The following ADAM18 variants were observed in gnomAD, a reference collection of about 807,000 sequenced individuals.
ADAM18 encodes the protein ADAM metallopeptidase domain 18.
A neutral mutation model predicts 94.4 loss-of-function variants in ADAM18; 117 were observed. That is an observed-to-expected ratio of 1.24 (90% CI 1.07 to 1.45). The LOEUF is 1.45. ADAM18 is among the 40% of genes most tolerant of loss of function. The probability of loss-of-function intolerance (pLI) is 0.00; values close to 1 mark genes in which losing one functional copy is unlikely to be tolerated. For synonymous variants in ADAM18, 327 were observed against 291.6 expected, an observed-to-expected ratio of 1.12 and a Z score of -1.24; for missense variants, 936 against 880.0, an observed-to-expected ratio of 1.06 and a Z score of -0.81.
At chr8:39,667,733 C>T (rs1821030285) in intron 13 of ADAM18, among the ~76,000 whole-genome samples, 1 of 152,138 alleles carries the variant, frequency 6.6e-6, no homozygotes, top group South Asian at 2.1e-4. Context: ...TTTGAGTCAG[C>T]TTATTTCAAA....
intron 16 of ADAM18, among the ~76,000 whole-genome samples, chr8:39,689,855 T>C (rs947574232): frequency 5.9e-5 from 9 of 152,224 alleles, no homozygotes; most frequent in African/African-American, 2.2e-4. Context: ...TATTTGTTTA[T>C]GTCATCTGTG....
Position 39,597,208 on chromosome 8 carries a change from T to C in ADAM18, c.133-9099T>C, listed in dbSNP as rs543170097. On this transcript the variant is annotated intron_variant, in intron 2 of 19. Transcript: ENST00000265707. ...TCATATAGGCCTTTTGCAAATATTT[T>C]CTTTTAATCTGTGGTTTATCTCTTC... 5.1e-4 allele frequency among the ~76,000 whole-genome samples: 77 copies of C among 152,270 alleles called. 1 individual carries two copies. Among genetic ancestry groups the C allele is most frequent in the African/African-American group, 1.8e-3 (73 of 41,578 alleles).
intron 16 of ADAM18, among the ~76,000 whole-genome samples, chr8:39,680,690 G>A (rs1015463992): frequency 6.6e-6 from 1 of 152,134 alleles, no homozygotes; most frequent in Admixed American, 6.6e-5. Flanking sequence ...GTATATACAT[G>A]CATGAATATA....
chr8:39,637,167 C>T, intron 7 of ADAM18, 97 bp from the exon 8 acceptor site: 2 of 923,994 alleles, frequency 2.2e-6, no homozygotes, highest in African/African-American at 1.7e-5. Context: ...TAAAACAGCT[C>T]TAGATTACTT....
rs187296127 is a variant in ADAM18 at position 39,601,927 on chromosome 8, T to G, written c.133-4380T>G. Among the ~76,000 whole-genome samples the G allele has an allele frequency of 2.5e-3, 381 of 152,342 alleles. 1 individual carries two copies. Among genetic ancestry groups the G allele is most frequent in the Non-Finnish European group, 4.9e-3 (331 of 68,032 alleles). ...TATATTAGTGCAAACATAAATGATG[T>G]ATTTCATGTCTGGCTTATTTCAGTT... On this transcript the variant is annotated intron_variant, in intron 2 of 19. Transcript: ENST00000265707.
At position 39,640,394 on chromosome 8, in the gene ADAM18, G is replaced by A. The variant is rs182884844; in HGVS notation, c.909+1848G>A. 6.6e-5 allele frequency among the ~76,000 whole-genome samples: 10 copies of A among 152,214 alleles called. No homozygotes were observed. The East Asian group carries it at 1.9e-3, about 29-fold the overall frequency. ...TTATGGCTGCATAGTATTGCATGAT[G>A]TATATGTACCACATTTTCTTTATCC... On this transcript the variant is annotated intron_variant, in intron 10 of 19. Transcript: ENST00000265707.
intron 11 of ADAM18, among the ~76,000 whole-genome samples, chr8:39,647,822 A>G (rs1455090115): frequency 6.6e-6 from 1 of 152,226 alleles, no homozygotes; most frequent in Non-Finnish European, 1.5e-5. Context: ...GATTCCATAC[A>G]GCACATGTTT....
chr8:39,696,526 T>C (rs1821933108), intron 17 of ADAM18, among the ~76,000 whole-genome samples: 1 of 151,622 alleles, frequency 6.6e-6, no homozygotes, highest in Admixed American at 6.6e-5. Context: ...TTAGATCTTT[T>C]ATCCATTTTG....
At chr8:39,717,232 C>T (rs1372797787) in intron 18 of ADAM18, among the ~76,000 whole-genome samples, 1 of 151,726 alleles carries the variant, frequency 6.6e-6, no homozygotes, top group Non-Finnish European at 1.5e-5. Flanking sequence ...CATTTACACC[C>T]TCCTCCACTC....
Position 39,649,737 on chromosome 8 carries a change from C to A in ADAM18, c.1230+1210C>A, listed in dbSNP as rs76551135. On this transcript the variant is annotated intron_variant, in intron 12 of 19. Coordinates refer to ENST00000265707, the MANE Select transcript of ADAM18 (RefSeq NM_014237.3). The stretch of plus-strand genomic sequence containing the variant: ...CCTGTTACCTCAGTGGTATGTGCAT[C>A]CATTAGCAGGGTGGGCTCAATGTGC... Among the ~76,000 whole-genome samples the A allele has an allele frequency of 4.6e-5, 7 of 152,210 alleles. No individual in the cohort carries two copies. In the East Asian group the frequency reaches 1.4e-3, roughly 29 times the overall value.
At chr8:39,614,182 C>T (rs778335643) in intron 6 of ADAM18, among the ~76,000 whole-genome samples, 6 of 152,138 alleles carry the variant, frequency 3.9e-5, no homozygotes, top group Non-Finnish European at 8.8e-5. Flanking sequence ...TCATCAGATT[C>T]TCCAAACTCA....
At chr8:39,628,422 TAGA>T (rs1819834624) in intron 6 of ADAM18, among the ~76,000 whole-genome samples, 1 of 108,234 alleles carries the variant, frequency 9.2e-6, no homozygotes, top group Non-Finnish European at 2.1e-5. Flanking sequence ...GATCAATAGA[TAGA>T]TAGATAGATA....
At chr8:39,629,541 CCTT>C (rs1048291223) in intron 7 of ADAM18, 102 bp downstream of exon 7, 50 of 722,874 alleles carry the variant, frequency 6.9e-5, no homozygotes, top group Non-Finnish European at 9.6e-5. Flanking sequence ...CTCTCTTCCT[CCTT>C]CTTTCCCTTC....
chr8:39,610,378 C>A (rs1370224647), intron 5 of ADAM18, 151 bp from the exon 6 acceptor site: 6 of 1,002,686 alleles, frequency 6.0e-6, no homozygotes, highest in Non-Finnish European at 8.0e-6. Context: ...TGATAAACTG[C>A]CCCCCCAAAA....
intron 18 of ADAM18, among the ~76,000 whole-genome samples, chr8:39,716,464 T>A (rs1822582065): frequency 1.3e-5 from 2 of 152,070 alleles, no homozygotes. Context: ...CAAAGATTGT[T>A]CACTAGTGTT....
At chr8:39,707,738 TATA>T in intron 18 of ADAM18, among the ~76,000 whole-genome samples, 1 of 152,274 alleles carries the variant, frequency 6.6e-6, no homozygotes, top group South Asian at 2.1e-4. Context: ...TTAAAATATT[TATA>T]ATTATACACA....
intron 15 of ADAM18, among the ~76,000 whole-genome samples, chr8:39,678,989 A>G (rs1821365964): frequency 6.6e-6 from 1 of 152,200 alleles, no homozygotes; most frequent in Non-Finnish European, 1.5e-5. Context: ...CATACATACC[A>G]TGCAAGTCTG....
chr8:39,695,713 C>G (rs1430455105), intron 17 of ADAM18, among the ~76,000 whole-genome samples: 1 of 151,348 alleles, frequency 6.6e-6, no homozygotes, highest in African/African-American at 2.4e-5. Flanking sequence ...GCTTATTTCA[C>G]TTAGCATGAT....
In ADAM18 at chr8:39,701,117, C is replaced by CAAAAAAAAAAAAAAAAAAAAAAA. The variant is rs71237188; in HGVS notation, c.1903-5663_1903-5641dup. Among the ~76,000 whole-genome samples the CAAAAAAAAAAAAAAAAAAAAAAA allele has an allele frequency of 2.3e-4, 8 of 34,562 alleles. 1 individual carries two copies. The highest frequency in any genetic ancestry group is 5.8e-4 in the Admixed American group (1 of 1,728). 22.7% of individuals were successfully genotyped at this position (34,562 alleles called of 152,430 possible). Reference sequence around the variant, plus strand: ...TGGGCGACAGAGCAAGACTCTGTCTCAAAAAAAAAAAAAAAAAAAAAAAAA... The same window carrying CAAAAAAAAAAAAAAAAAAAAAAA: ...TGGGCGACAGAGCAAGACTCTGTCTCAAAAAAAAAAAAAAAAAAAAAAAAAAAAAAAAAAAAAAAAAAAAAAAA... On this transcript the variant is annotated intron_variant, in intron 17 of 19. Transcript: ENST00000265707.
Sources: gnomAD v4.1 joint callset for allele counts (sites outside exome capture counted in the v4.1 genomes callset) on GRCh38, gnomAD v4.1.1 for gene constraint, MANE v1.5 for transcripts, NCBI Gene and HGNC (gene_info 2026-07-23, HGNC 2026-07-21) for gene names.